Variants in CSMD3 observed in about 807,000 individuals in gnomAD.
CSMD3 encodes the protein CUB and Sushi multiple domains 3, also known as CUB and sushi domain-containing protein 3.
In CSMD3, 177 loss-of-function variants were observed where a neutral mutation model predicts 435.2. The ratio of observed to expected loss-of-function variants is 0.41; its 90% CI spans 0.36 to 0.46. The LOEUF (loss-of-function observed/expected upper bound fraction) is 0.46, where lower values mean the gene tolerates loss of function less well. CSMD3 is among the 20% of genes least tolerant of loss of function. The pLI is 0.34. For synonymous variants in CSMD3, 1,656 were observed against 1,520.5 expected, an observed-to-expected ratio of 1.09 and a Z score of -2.07; for missense variants, 4,265 against 4,504.6, an observed-to-expected ratio of 0.95 and a Z score of 1.52.
intron 38 of CSMD3, among the ~76,000 whole-genome samples, chr8:112,379,578 ATGT>A (rs901959954): frequency 1.2e-4 from 19 of 152,188 alleles, no homozygotes; most frequent in African/African-American, 4.6e-4. Flanking sequence ...ATATTTAATA[ATGT>A]TAAAATGTCC....
intron 1 of CSMD3, among the ~76,000 whole-genome samples, chr8:113,394,481 G>T (rs1365217173): frequency 2.0e-5 from 3 of 151,800 alleles, no homozygotes; most frequent in Non-Finnish European, 4.4e-5. Context: ...TGGCCTGAAG[G>T]GGAAATTTCC....
chr8:112,390,479 C>A (rs1830316588), intron 36 of CSMD3, among the ~76,000 whole-genome samples, 185 bp downstream of exon 36: 1 of 152,060 alleles, frequency 6.6e-6, no homozygotes, highest in East Asian at 1.9e-4. Flanking sequence ...TTGCTTATGC[C>A]ATCTTGAATT....
chr8:113,116,136 A>T (rs912707819), intron 4 of CSMD3, among the ~76,000 whole-genome samples: 9 of 152,162 alleles, frequency 5.9e-5, no homozygotes, highest in African/African-American at 1.9e-4. Flanking sequence ...CACTAAAAAA[A>T]CATAATTTAT....
intron 10 of CSMD3, among the ~76,000 whole-genome samples, chr8:112,910,466 AC>A (rs1241592041): frequency 1.3e-5 from 2 of 151,738 alleles, no homozygotes; most frequent in African/African-American, 4.8e-5. Context: ...CCCTACAAAA[AC>A]ATTATACCTT....
chr8:112,969,649 C>T (rs2134840), intron 7 of CSMD3, among the ~76,000 whole-genome samples: 103,397 of 151,718 alleles, frequency 0.68, 37,058 homozygotes, highest in East Asian at 0.95. Context: ...AAATTCCCAT[C>T]GGGAAGTCCA....
chr8:112,761,137 T>C (rs929620485), intron 13 of CSMD3, among the ~76,000 whole-genome samples: 2 of 152,122 alleles, frequency 1.3e-5, no homozygotes, highest in Non-Finnish European at 2.9e-5. Context: ...TTTTTCTAAT[T>C]TATTTACTAA....
At chr8:112,303,025 T>C (rs1043984556) in intron 52 of CSMD3, among the ~76,000 whole-genome samples, 1 of 152,092 alleles carries the variant, frequency 6.6e-6, no homozygotes, top group Non-Finnish European at 1.5e-5. Flanking sequence ...ACCTTATTCA[T>C]CCTTTAAACA....
At chr8:112,560,060 A>G (rs892694948) in intron 24 of CSMD3, among the ~76,000 whole-genome samples, 1 of 151,806 alleles carries the variant, frequency 6.6e-6, no homozygotes, top group Non-Finnish European at 1.5e-5. Context: ...GAAAGCAAAA[A>G]AGTGTATATT....
intron 28 of CSMD3, 77 bp from the exon 29 acceptor site, chr8:112,506,906 G>A (rs769051892): frequency 4.4e-5 from 57 of 1,295,122 alleles, no homozygotes; most frequent in Admixed American, 2.0e-4. Flanking sequence ...TTGAAATCAC[G>A]TCTCTAAAAG....
intron 23 of CSMD3, among the ~76,000 whole-genome samples, chr8:112,576,065 CAATT>C (rs59629990): frequency 0.4 from 60,769 of 151,642 alleles, 13,185 homozygotes; most frequent in East Asian, 0.6. Context: ...AAAATACAAT[CAATT>C]GTTTCTTGGA....
chr8:112,949,168 C>G (rs907028658), intron 8 of CSMD3, among the ~76,000 whole-genome samples: 1 of 152,002 alleles, frequency 6.6e-6, no homozygotes, highest in African/African-American at 2.4e-5. Context: ...CAAATTGATT[C>G]ATCAGATAAG....
intron 4 of CSMD3, among the ~76,000 whole-genome samples, chr8:113,126,473 T>C (rs1003358512): frequency 6.6e-6 from 1 of 152,032 alleles, no homozygotes; most frequent in Non-Finnish European, 1.5e-5. Context: ...ACAAATAATA[T>C]AGTAATTGCA....
Position 112,301,963 on chromosome 8 carries a change from A to G in CSMD3, c.8270T>C (p.Ile2757Thr). ...WRNERPYCQI[I>T]SCGELPTPPN... ...AGGTGTAGGTAGTTCTCCACAGGAA[A>G]TAACTTTAAAATGATAAATAAATAA... The change falls in exon 53 of 71, where the codon ATT becomes ACT. Residue 2757 changes from isoleucine (I) to threonine (T), a missense_variant. By Grantham distance (89) the Ile-to-Thr change is moderately conservative. Around this residue, in one of 3 missense-constraint regions of CSMD3, gnomAD observed 3,255 missense variants for 3,380.2 expected, o/e 0.96. Coordinates refer to ENST00000297405, the MANE Select transcript of CSMD3 (RefSeq NM_198123.2). The G allele has an allele frequency of 6.3e-7, 1 of 1,596,072 alleles. No homozygotes were observed.
At chr8:113,372,650 TA>T (rs761730679) in intron 1 of CSMD3, among the ~76,000 whole-genome samples, 160 of 152,262 alleles carry the variant, frequency 1.1e-3, no homozygotes, top group Admixed American at 1.7e-3. Context: ...AAGACACATT[TA>T]GGCCGGGCGC....
intron 13 of CSMD3, among the ~76,000 whole-genome samples, chr8:112,702,459 G>A (rs996282066): frequency 4.6e-5 from 7 of 152,078 alleles, no homozygotes; most frequent in African/African-American, 1.2e-4. Flanking sequence ...TTTCAGCTAC[G>A]TCTTTTGAAT....
At chr8:113,263,153 T>C (rs66891076) in intron 3 of CSMD3, among the ~76,000 whole-genome samples, 16,665 of 152,000 alleles carry the variant, frequency 0.11, 996 homozygotes, top group Middle Eastern at 0.17. Context: ...CAGAGATCTC[T>C]TTGTAACACG....
chr8:113,214,632 T>C (rs2092879824), intron 3 of CSMD3, among the ~76,000 whole-genome samples: 1 of 151,938 alleles, frequency 6.6e-6, no homozygotes, highest in African/African-American at 2.4e-5. Context: ...TACAAATATC[T>C]ACAATATCAT....
chr8:113,057,962 T>G lies in CSMD3; in HGVS notation c.918-38783A>C, dbSNP rs996319977. Among the ~76,000 whole-genome samples, 13 of 151,988 alleles carry G rather than the reference T, an allele frequency of 8.6e-5. No individual in the cohort carries two copies. In the East Asian group the frequency reaches 2.5e-3, roughly 29 times the overall value. Reference sequence around the variant, plus strand: ...CTAAAATAGAAATTATGCAAACATTTTGTTTAATCTATTATAGAATCACTA... The same window carrying G: ...CTAAAATAGAAATTATGCAAACATTGTGTTTAATCTATTATAGAATCACTA... On this transcript the variant is annotated intron_variant, in intron 5 of 70. Coordinates refer to ENST00000297405, the MANE Select transcript of CSMD3 (RefSeq NM_198123.2).
chr8:112,822,206 T>A (rs1175386136), intron 12 of CSMD3, among the ~76,000 whole-genome samples: 1 of 152,206 alleles, frequency 6.6e-6, no homozygotes, highest in African/African-American at 2.4e-5. Flanking sequence ...GGTAGTTTGA[T>A]GGAGATAGCA....
Sources: allele counts gnomAD v4.1 joint callset (sites outside exome capture counted in the v4.1 genomes callset), GRCh38; gene constraint gnomAD v4.1.1; regional missense constraint gnomAD v4.1.1; transcripts MANE v1.5; gene names NCBI Gene and HGNC (gene_info 2026-07-23, HGNC 2026-07-21).